TGFBR2: variants seen among roughly 807,000 people sequenced by gnomAD.
TGFBR2 encodes the protein transforming growth factor beta receptor 2.
A neutral mutation model predicts 49.0 loss-of-function variants in TGFBR2; 18 were observed. The ratio of observed to expected loss-of-function variants is 0.37; its 90% CI spans 0.25 to 0.54. The LOEUF is 0.54. Among genes scored for constraint, TGFBR2 ranks in the 20% least tolerant of loss-of-function variants. The pLI, the probability that TGFBR2 is intolerant of heterozygous loss-of-function variation, is 0.85. For missense variants in TGFBR2, 525 were observed against 722.6 expected (o/e 0.73, Z 3.13); for synonymous variants, 282 against 275.9 (o/e 1.02, Z -0.22).
chr3:30,619,983 C>T (rs1036579505), intron 1 of TGFBR2, among the ~76,000 whole-genome samples: 8 of 152,050 alleles, frequency 5.3e-5, no homozygotes, highest in Non-Finnish European at 1.2e-4. Context: ...GTCAGGAGAT[C>T]GAGACCATCC....
intron 5 of TGFBR2, among the ~76,000 whole-genome samples, chr3:30,687,708 A>G (rs768966557): frequency 1.3e-5 from 2 of 152,206 alleles, no homozygotes; most frequent in Non-Finnish European, 2.9e-5. Flanking sequence ...CTCAACTGAA[A>G]TTCTTTACCC....
chr3:30,672,806 G>A lies in TGFBR2; in HGVS notation c.1254+369G>A, dbSNP rs749820528. Reference sequence around the variant, plus strand: ...CAGTCCTTTCTGCTCTATACTAGCTGTAGTTGTGTTGGTTTCTTTGTATTA... The same window carrying A: ...CAGTCCTTTCTGCTCTATACTAGCTATAGTTGTGTTGGTTTCTTTGTATTA... On this transcript the variant is annotated intron_variant, in intron 4 of 6. Transcript: ENST00000295754. The surrounding 1 kb of genome is among the most constrained non-coding windows in gnomAD (Gnocchi z 4.5). Among the ~76,000 whole-genome samples, 1 of 152,068 alleles carries A rather than the reference G, an allele frequency of 6.6e-6. No individual in the cohort carries two copies. Among genetic ancestry groups the A allele is most frequent in the Admixed American group, 6.6e-5 (1 of 15,262 alleles).
chr3:30,632,310 A>C (rs1698452786), intron 1 of TGFBR2, among the ~76,000 whole-genome samples: 1 of 152,194 alleles, frequency 6.6e-6, no homozygotes, highest in African/African-American at 2.4e-5. Flanking sequence ...TCGCCTGATA[A>C]ATGTGCAGGA....
intron 1 of TGFBR2, among the ~76,000 whole-genome samples, chr3:30,607,839 T>TTA (rs1437808239): frequency 1.5e-4 from 18 of 123,712 alleles, no homozygotes; most frequent in South Asian, 2.4e-4. Flanking sequence ...ATATATATAA[T>TTA]TATATATATA....
At chr3:30,645,947 A>C (rs1575144346) in intron 2 of TGFBR2, among the ~76,000 whole-genome samples, 1 of 152,206 alleles carries the variant, frequency 6.6e-6, no homozygotes, top group African/African-American at 2.4e-5. Context: ...GAGCATGAAC[A>C]AGAAATAACC....
Position 30,668,618 on chromosome 3 carries a change from T to C in TGFBR2, c.455-3020T>C, listed in dbSNP as rs1460224804. ...TTGCATTCAATCATTCTGTAATTGC[T>C]TTGTCCCACCCCATTTCTGCCCTAC... On this transcript the variant is annotated intron_variant, in intron 3 of 6. Transcript: ENST00000295754. Among the ~76,000 whole-genome samples the C allele has an allele frequency of 5.6e-4, 85 of 152,170 alleles. 1 individual carries two copies. Among genetic ancestry groups the C allele is most frequent in the Non-Finnish European group, 4.4e-5 (3 of 68,012 alleles).
At chr3:30,641,345 A>G (rs577363619) in intron 1 of TGFBR2, among the ~76,000 whole-genome samples, 1 of 152,338 alleles carries the variant, frequency 6.6e-6, no homozygotes, top group African/African-American at 2.4e-5. Flanking sequence ...TATGGTATGC[A>G]TAAAAGGACC....
At chr3:30,648,539 G>A (rs952877962) in intron 2 of TGFBR2, among the ~76,000 whole-genome samples, 20 of 151,878 alleles carry the variant, frequency 1.3e-4, no homozygotes, top group Non-Finnish European at 2.1e-4. Context: ...TAGCTTTGGG[G>A]TTAAAGATGG....
At chr3:30,627,248 GA>G (rs1448242475) in intron 1 of TGFBR2, among the ~76,000 whole-genome samples, 1 of 152,054 alleles carries the variant, frequency 6.6e-6, no homozygotes, top group Non-Finnish European at 1.5e-5. Context: ...ATTAATTTTG[GA>G]AAATGCCTTC....
chr3:30,644,685 A>G, intron 1 of TGFBR2, 62 bp from the exon 2 acceptor site: 1 of 1,505,816 alleles, frequency 6.6e-7, no homozygotes. Context: ...CATCTTCAGG[A>G]ATTCATTGGC....
intron 1 of TGFBR2, among the ~76,000 whole-genome samples, chr3:30,642,970 G>A (rs1286845451): frequency 6.6e-6 from 1 of 152,086 alleles, no homozygotes; most frequent in African/African-American, 2.4e-5. Flanking sequence ...GGCCCGAGAG[G>A]GATGAATGGC....
rs56069409 is a variant in TGFBR2 at position 30,669,121 on chromosome 3, C to CAAAAAA, written c.455-2491_455-2486dup. 3.7e-4 allele frequency among the ~76,000 whole-genome samples: 31 copies of CAAAAAA among 83,466 alleles called. 1 individual carries two copies. Among genetic ancestry groups the CAAAAAA allele is most frequent in the African/African-American group, 1.1e-3 (21 of 18,308 alleles). 54.8% of individuals were successfully genotyped at this position (83,466 alleles called of 152,430 possible). A position where few individuals can be genotyped will look rare whatever the true frequency, so the allele number is the denominator to read the frequency against. ...TGAAACCCCGTCTCCACTAAAAATA[C>CAAAAAA]AAAAAAAAAAAAAAAAAAAAAAAAA... On this transcript the variant is annotated intron_variant, in intron 3 of 6. Transcript: ENST00000295754.
chr3:30,647,678 A>G (rs1027490175), intron 2 of TGFBR2, among the ~76,000 whole-genome samples: 5 of 151,702 alleles, frequency 3.3e-5, no homozygotes, highest in African/African-American at 1.2e-4. Context: ...AATTATTATT[A>G]TTATTATTTT....
At chr3:30,658,439 A>G (rs999371146) in intron 3 of TGFBR2, among the ~76,000 whole-genome samples, 1 of 152,186 alleles carries the variant, frequency 6.6e-6, no homozygotes, top group Non-Finnish European at 1.5e-5. Context: ...TAGGACTGTA[A>G]GTAAATAAAT....
intron 5 of TGFBR2, among the ~76,000 whole-genome samples, chr3:30,682,531 CAA>C (rs1432813067): frequency 1.3e-5 from 2 of 152,124 alleles, no homozygotes; most frequent in African/African-American, 2.4e-5. Flanking sequence ...CAGTTCTTCA[CAA>C]GAGAGAGGCC....
intron 1 of TGFBR2, among the ~76,000 whole-genome samples, chr3:30,620,598 C>T (rs981596661): frequency 6.6e-6 from 1 of 152,100 alleles, no homozygotes. Flanking sequence ...GGTTAATTTT[C>T]CATCCATCAC....
rs2125435032 is a variant in TGFBR2 at position 30,672,092 on chromosome 3, C to A, written c.909C>A (p.Asn303Lys). The part of the protein sequence containing the change: ...IFSDINLKHE[N>K]ILQFLTAEER... ...CAGACATCAATCTGAAGCATGAGAA[C>A]ATACTCCAGTTCCTGACGGCTGAGG... is the stretch of plus-strand genomic sequence containing the variant. Residue 303 changes from asparagine (N) to lysine (K), a missense_variant, in exon 4 of 7, where the codon AAC becomes AAA. Coordinates refer to ENST00000295754, the MANE Select transcript of TGFBR2 (RefSeq NM_003242.6). This position sits in a 1 kb window ranked among gnomAD's most constrained non-coding sequence, Gnocchi z 4.5. The A allele has an allele frequency of 6.2e-7, 1 of 1,614,226 alleles. No homozygotes were observed. The highest frequency in any genetic ancestry group is 8.5e-7 in the Non-Finnish European group (1 of 1,180,028).
intron 3 of TGFBR2, among the ~76,000 whole-genome samples, chr3:30,665,404 T>C (rs1203279940): frequency 2.0e-5 from 3 of 152,234 alleles, no homozygotes; most frequent in African/African-American, 7.2e-5. Flanking sequence ...TAAGAGAATC[T>C]AACTCATACA....
intron 1 of TGFBR2, among the ~76,000 whole-genome samples, chr3:30,637,829 A>G (rs1698566159): frequency 6.6e-6 from 1 of 152,250 alleles, no homozygotes; most frequent in African/African-American, 2.4e-5. Context: ...CAGCGAATTT[A>G]TCAATGAATA....
Sources: allele counts gnomAD v4.1 joint callset (sites outside exome capture counted in the v4.1 genomes callset), GRCh38; gene constraint gnomAD v4.1.1; non-coding constraint Gnocchi (gnomAD v3.1); transcripts MANE v1.5; gene names NCBI Gene and HGNC (gene_info 2026-07-23, HGNC 2026-07-21).